ABLIM1: variants seen among roughly 807,000 people sequenced by gnomAD.
The protein encoded by ABLIM1 is actin binding LIM protein 1.
ABLIM1 carries 40 observed loss-of-function variants against 107.0 expected under a neutral mutation model. The ratio of observed to expected loss-of-function variants is 0.37; its 90% confidence interval spans 0.29 to 0.49. The LOEUF (loss-of-function observed/expected upper bound fraction) is 0.49, where lower values mean the gene tolerates loss of function less well. ABLIM1 is among the 20% of genes least tolerant of loss of function. The probability of loss-of-function intolerance (pLI) is 0.97; values close to 1 mark genes in which losing one functional copy is unlikely to be tolerated. For synonymous variants in ABLIM1, 357 were observed against 357.3 expected, an observed-to-expected ratio of 1.00 and a Z score of 0.01; for missense variants, 857 against 1,008.5, an observed-to-expected ratio of 0.85 and a Z score of 2.04.
intron 1 of ABLIM1, among the ~76,000 whole-genome samples, chr10:114,605,085 C>G (rs1209401891): frequency 6.6e-6 from 1 of 152,182 alleles, no homozygotes; most frequent in Non-Finnish European, 1.5e-5. Context: ...TTCCTTCACA[C>G]AACAGCCTAG....
intron 10 of ABLIM1, among the ~76,000 whole-genome samples, chr10:114,468,877 C>T (rs905476770): frequency 6.6e-6 from 1 of 151,610 alleles, no homozygotes; most frequent in Non-Finnish European, 1.5e-5. Context: ...TGGTGAAACC[C>T]CGTCTCTACT....
intron 10 of ABLIM1, among the ~76,000 whole-genome samples, chr10:114,469,200 T>G (rs1206186393): frequency 6.6e-6 from 1 of 152,118 alleles, no homozygotes; most frequent in Non-Finnish European, 1.5e-5. Flanking sequence ...TACTGAAACA[T>G]AGGATCTTGT....
intron 1 of ABLIM1, among the ~76,000 whole-genome samples, chr10:114,764,623 T>C (rs1040612478): frequency 6.6e-6 from 1 of 152,230 alleles, no homozygotes; most frequent in African/African-American, 2.4e-5. Context: ...ATTACAGGCG[T>C]GAGCCACCGC....
chr10:114,762,957 C>T (rs1220375664), intron 1 of ABLIM1, among the ~76,000 whole-genome samples: 1 of 152,136 alleles, frequency 6.6e-6, no homozygotes, highest in Non-Finnish European at 1.5e-5. Context: ...GTGGAAGTTC[C>T]GAAAACAACG....
At chr10:114,464,157 T>TC (rs2064597792) in intron 12 of ABLIM1, among the ~76,000 whole-genome samples, 2 of 151,582 alleles carry the variant, frequency 1.3e-5, no homozygotes, top group South Asian at 4.2e-4. Flanking sequence ...TCAGCATATG[T>TC]ACATGAGCAG....
chr10:114,610,552 G>C (rs760476088), intron 1 of ABLIM1: 2 of 152,166 alleles, frequency 1.3e-5, no homozygotes, highest in Non-Finnish European at 2.9e-5. Flanking sequence ...GTGCTAGACC[G>C]GCACTAGTAT....
At chr10:114,573,010 C>T (rs1289612334) in intron 3 of ABLIM1, among the ~76,000 whole-genome samples, 5 of 152,180 alleles carry the variant, frequency 3.3e-5, no homozygotes, top group Admixed American at 6.5e-5. Context: ...ATTTTAGACC[C>T]AAGTCCCACA....
intron 1 of ABLIM1, among the ~76,000 whole-genome samples, chr10:114,745,100 CCT>C (rs2142337274): frequency 6.6e-6 from 1 of 152,242 alleles, no homozygotes; most frequent in Non-Finnish European, 1.5e-5. Flanking sequence ...GTCAATCCCC[CCT>C]CCAAAATATG....
chr10:114,684,506 G>A (rs1591822706), exon 1 of ABLIM1: 1 of 1,424,298 alleles, frequency 7.0e-7, no homozygotes, highest in Non-Finnish European at 9.2e-7. Flanking sequence ...CCACCGGTGG[G>A]TGTGCCACAG....
At chr10:114,479,372 C>G (rs1287628399) in intron 8 of ABLIM1, among the ~76,000 whole-genome samples, 3 of 152,172 alleles carry the variant, frequency 2.0e-5, no homozygotes. Flanking sequence ...CTACAGCTAC[C>G]GCACTTGGAC....
chr10:114,691,281 G>A (rs561451426), intron 1 of ABLIM1, among the ~76,000 whole-genome samples: 7 of 152,252 alleles, frequency 4.6e-5, no homozygotes, highest in Admixed American at 2.0e-4. Flanking sequence ...AAGAATACAC[G>A]TGGATGCCAA....
chr10:114,654,325 C>T (rs1369816033), intron 1 of ABLIM1, among the ~76,000 whole-genome samples: 1 of 152,140 alleles, frequency 6.6e-6, no homozygotes, highest in Non-Finnish European at 1.5e-5. Flanking sequence ...TTTAATTCAG[C>T]CTCCATAGAG....
At chr10:114,585,005 G>GTT (rs145725697) in intron 2 of ABLIM1, among the ~76,000 whole-genome samples, 8 of 148,366 alleles carry the variant, frequency 5.4e-5, no homozygotes, top group African/African-American at 2.0e-4. Context: ...TTCTCACTCA[G>GTT]TTTTTTTTTT....
intron 1 of ABLIM1, among the ~76,000 whole-genome samples, chr10:114,694,005 CA>C (rs2081143943): frequency 6.6e-6 from 1 of 151,928 alleles, no homozygotes; most frequent in African/African-American, 2.4e-5. Context: ...AGGCCACAGG[CA>C]GAATAGTAGC....
At chr10:114,540,850 G>A (rs1419650684) in intron 6 of ABLIM1, among the ~76,000 whole-genome samples, 1 of 152,152 alleles carries the variant, frequency 6.6e-6, no homozygotes, top group Admixed American at 6.5e-5. Flanking sequence ...TACTCAAGCA[G>A]CTTGAATGGT....
chr10:114,511,374 A>AG (rs2061849417), intron 6 of ABLIM1, among the ~76,000 whole-genome samples: 1 of 151,210 alleles, frequency 6.6e-6, no homozygotes, highest in Non-Finnish European at 1.5e-5. Flanking sequence ...CTTTAAAAAA[A>AG]TTTTTTTTTG....
intron 2 of ABLIM1, among the ~76,000 whole-genome samples, chr10:114,597,451 G>A (rs2075532661): frequency 6.7e-6 from 1 of 150,002 alleles, no homozygotes; most frequent in African/African-American, 2.5e-5. Flanking sequence ...GCTCTAGAAT[G>A]AAGGAAAGAA....
chr10:114,743,614 A>G (rs2142318901), intron 1 of ABLIM1, among the ~76,000 whole-genome samples: 1 of 152,346 alleles, frequency 6.6e-6, no homozygotes, highest in African/African-American at 2.4e-5. Flanking sequence ...TAAAAATCAA[A>G]TCATTCCTCT....
At chr10:114,767,877 ATCAAGG>A (rs535288907) in intron 1 of ABLIM1, among the ~76,000 whole-genome samples, 3,341 of 152,072 alleles carry the variant, frequency 0.022, 66 homozygotes, top group Admixed American at 0.031. Context: ...ACATCCGGGG[ATCAAGG>A]TCAAGGGCGA....
Sources: gnomAD v4.1 joint callset for allele counts (sites outside exome capture counted in the v4.1 genomes callset) on GRCh38, gnomAD v4.1.1 for gene constraint, MANE v1.5 for transcripts, NCBI Gene and HGNC (gene_info 2026-07-23, HGNC 2026-07-21) for gene names.